Variants in CDKAL1 observed in about 807,000 individuals in gnomAD.
CDKAL1 encodes the protein threonylcarbamoyladenosine tRNA methylthiotransferase.
A neutral mutation model predicts 68.2 loss-of-function variants in CDKAL1; 32 were observed. The observed-to-expected ratio is 0.47, with a 90% CI of 0.35 to 0.63. The LOEUF (loss-of-function observed/expected upper bound fraction) is 0.63, where lower values mean the gene tolerates loss of function less well. Among genes scored for constraint, CDKAL1 ranks in the 30% least tolerant of loss-of-function variants. The probability of loss-of-function intolerance (pLI) is 0.00; values close to 1 mark genes in which losing one functional copy is unlikely to be tolerated. For synonymous variants in CDKAL1, 234 were observed against 244.3 expected, an observed-to-expected ratio of 0.96 and a Z score of 0.39; for missense variants, 606 against 696.7, an observed-to-expected ratio of 0.87 and a Z score of 1.47.
intron 5 of CDKAL1, among the ~76,000 whole-genome samples, chr6:20,652,436 GT>G (rs1561998488): frequency 1.3e-5 from 2 of 152,128 alleles, no homozygotes; most frequent in African/African-American, 4.8e-5. Context: ...GTTCCCTCAA[GT>G]TAACGTGGAA....
chr6:20,659,277 T>A (rs569650754), intron 5 of CDKAL1, among the ~76,000 whole-genome samples: 1 of 152,346 alleles, frequency 6.6e-6, no homozygotes, highest in East Asian at 1.9e-4. Context: ...GTTTGTTGAT[T>A]TTTTGTTAAA....
chr6:20,936,606 C>T (rs1394446182), intron 9 of CDKAL1, among the ~76,000 whole-genome samples: 2 of 152,020 alleles, frequency 1.3e-5, no homozygotes, highest in African/African-American at 2.4e-5. Context: ...GTGACAACTA[C>T]TTACTAAATA....
rs560519488 is a variant in CDKAL1, at chr6:21,000,009, A to G, written c.910-218A>G. Among the ~76,000 whole-genome samples the G allele has an allele frequency of 5.9e-5, 9 of 152,350 alleles. No homozygotes were observed. In the East Asian group the frequency reaches 1.7e-3, roughly 29 times the overall value. On this transcript the variant is annotated intron_variant, in intron 10 of 15. Coordinates refer to ENST00000274695, the MANE Select transcript of CDKAL1 (RefSeq NM_017774.3). The stretch of plus-strand genomic sequence containing the variant: ...TTGTCACCTAAGAGAAACAGCGAGC[A>G]TGAGGAAATAATTGTTGTGTGGAAT...
chr6:20,758,658 T>C lies in CDKAL1; in HGVS notation c.517+15T>C. ...GACAATTAAAGGTAATCGTTGAAAG[T>C]GAGATAAACAGATGTATATATTTTC... On this transcript the variant is annotated intron_variant, in intron 7 of 15. Transcript: ENST00000274695. 6.3e-7 allele frequency: 1 copy of C among 1,595,528 alleles called. No homozygotes were observed. Among genetic ancestry groups the C allele is most frequent in the African/African-American group, 1.3e-5 (1 of 74,506 alleles).
intron 10 of CDKAL1, among the ~76,000 whole-genome samples, chr6:20,983,930 T>A (rs1766295251): frequency 6.6e-6 from 1 of 152,204 alleles, no homozygotes; most frequent in Non-Finnish European, 1.5e-5. Flanking sequence ...TACAGGTAGA[T>A]CAATCCATAG....
chr6:20,614,649 C>G (rs1766801698), intron 4 of CDKAL1, among the ~76,000 whole-genome samples: 3 of 152,140 alleles, frequency 2.0e-5, no homozygotes. Context: ...TAAGATTTAT[C>G]TTTTTTTCCT....
intron 10 of CDKAL1, among the ~76,000 whole-genome samples, chr6:20,972,630 C>T (rs1765651333): frequency 6.6e-6 from 1 of 152,178 alleles, no homozygotes. Flanking sequence ...CAGTTTCAGG[C>T]ACATTTCCTG....
intron 10 of CDKAL1, among the ~76,000 whole-genome samples, chr6:20,982,057 T>TTATG (rs1217407254): frequency 1.5e-4 from 21 of 143,510 alleles, no homozygotes; most frequent in Admixed American, 6.8e-5. Context: ...TCTTATTTAT[T>TTATG]TATTTATTTA....
intron 13 of CDKAL1, among the ~76,000 whole-genome samples, chr6:21,126,391 A>G (rs1775013730): frequency 6.6e-6 from 1 of 152,218 alleles, no homozygotes; most frequent in Non-Finnish European, 1.5e-5. Context: ...GGTCCTACAC[A>G]TATACACAAT....
chr6:21,124,890 G>A (rs1033586943), intron 13 of CDKAL1, among the ~76,000 whole-genome samples: 11 of 151,900 alleles, frequency 7.2e-5, no homozygotes, highest in Admixed American at 5.9e-4. Flanking sequence ...TCACTTACAG[G>A]ATACAGCCCC....
chr6:21,189,703 A>G (rs1778158100), intron 13 of CDKAL1, among the ~76,000 whole-genome samples: 1 of 152,190 alleles, frequency 6.6e-6, no homozygotes, highest in Admixed American at 6.5e-5. Context: ...TCATGGCCCT[A>G]TTTCATTATA....
Position 20,890,697 on chromosome 6 carries a change from G to A in CDKAL1, c.742+44519G>A, listed in dbSNP as rs192336064. 5.4e-3 allele frequency among the ~76,000 whole-genome samples: 829 copies of A among 152,192 alleles called. 5 individuals carry two copies. The highest frequency in any genetic ancestry group is 8.1e-3 in the Non-Finnish European group (552 of 68,018). On this transcript the variant is annotated intron_variant, in intron 9 of 15. Coordinates refer to ENST00000274695, the MANE Select transcript of CDKAL1 (RefSeq NM_017774.3). ...TACCCTGGGGAGATTCTGCGTCAGC[G>A]GGTCTAAGATGCTGTCATACCATTA...
At chr6:21,218,035 G>A (rs1170785453) in intron 15 of CDKAL1, among the ~76,000 whole-genome samples, 1 of 152,180 alleles carries the variant, frequency 6.6e-6, no homozygotes, top group East Asian at 1.9e-4. Flanking sequence ...TTAGAACTTT[G>A]TATATTTTTG....
chr6:20,836,216 G>T (rs1332243084), intron 8 of CDKAL1, among the ~76,000 whole-genome samples: 2 of 152,066 alleles, frequency 1.3e-5, no homozygotes, highest in Non-Finnish European at 2.9e-5. Context: ...GAAAAGCATC[G>T]AAGTAAATCA....
intron 11 of CDKAL1, among the ~76,000 whole-genome samples, chr6:21,010,836 C>A (rs1461262258): frequency 1.3e-5 from 2 of 152,156 alleles, no homozygotes; most frequent in Non-Finnish European, 2.9e-5. Flanking sequence ...GTAACCCCAG[C>A]ACTTTGGGAG....
At chr6:20,709,952 T>G (rs2127828578) in intron 5 of CDKAL1, among the ~76,000 whole-genome samples, 1 of 152,190 alleles carries the variant, frequency 6.6e-6, no homozygotes, top group East Asian at 1.9e-4. Context: ...GGCAATGGAG[T>G]TATAGCGATT....
chr6:20,802,408 G>A (rs1212287249), intron 8 of CDKAL1, among the ~76,000 whole-genome samples: 1 of 151,684 alleles, frequency 6.6e-6, no homozygotes, highest in East Asian at 1.9e-4. Flanking sequence ...AATACTGAAA[G>A]TATATGCATG....
intron 15 of CDKAL1, among the ~76,000 whole-genome samples, chr6:21,225,965 T>C (rs1779725112): frequency 1.3e-5 from 2 of 152,180 alleles, no homozygotes; most frequent in South Asian, 4.1e-4. Context: ...AACCCTATGA[T>C]GCACAAATAC....
Position 20,598,237 on chromosome 6 carries a change from A to G in CDKAL1, c.286+49532A>G, listed in dbSNP as rs74487640. 1.7e-3 allele frequency among the ~76,000 whole-genome samples: 255 copies of G among 152,332 alleles called. 1 individual carries two copies. The highest frequency in any genetic ancestry group is 5.9e-3 in the African/African-American group (247 of 41,570). Reference sequence around the variant, plus strand: ...TGAAGTTGCATTTCCTTACATTCTTATATTTGTGATGGTTATAGTTAGAAA... The same window carrying G: ...TGAAGTTGCATTTCCTTACATTCTTGTATTTGTGATGGTTATAGTTAGAAA... On this transcript the variant is annotated intron_variant, in intron 4 of 15. Coordinates refer to ENST00000274695, the MANE Select transcript of CDKAL1 (RefSeq NM_017774.3).
Sources: gnomAD v4.1 joint callset for allele counts (sites outside exome capture counted in the v4.1 genomes callset) on GRCh38, gnomAD v4.1.1 for gene constraint, MANE v1.5 for transcripts, NCBI Gene and HGNC (gene_info 2026-07-23, HGNC 2026-07-21) for gene names.